Variants in UHRF2 observed in about 807,000 individuals in gnomAD.
UHRF2 encodes ubiquitin like with PHD and ring finger domains 2.
A neutral mutation model predicts 96.8 loss-of-function variants in UHRF2; 23 were observed. The observed-to-expected ratio is 0.24, with a 90% CI of 0.17 to 0.34. UHRF2 has a LOEUF of 0.34. Among genes scored for constraint, UHRF2 ranks in the 10% least tolerant of loss-of-function variants. UHRF2 has a pLI of 1.00. For missense variants in UHRF2, 685 were observed against 981.5 expected, an observed-to-expected ratio of 0.70 and a Z score of 4.04; for synonymous variants, 385 against 332.6, an observed-to-expected ratio of 1.16 and a Z score of -1.72.
rs1298184266 is a variant in UHRF2, at chr9:6,413,654, C to G, written c.153+11C>G. On this transcript the variant is annotated intron_variant, in intron 1 of 15. Transcript: ENST00000276893. ...TACCGGGGCAAGCAGGTGAGGCGCG[C>G]CCGCCGCGCCCCTAGCGAGGCTGGG... 4 of 1,561,588 alleles carry G rather than the reference C, an allele frequency of 2.6e-6. No homozygotes were observed. The highest frequency in any genetic ancestry group is 3.8e-5 in the Admixed American group (2 of 52,852).
chr9:6,415,629 G>C (rs183653879), intron 1 of UHRF2: 1 of 152,324 alleles, frequency 6.6e-6, no homozygotes, highest in Non-Finnish European at 1.5e-5. Context: ...CTGCCACGTA[G>C]TGAAAAATGT....
chr9:6,492,074 C>CT (rs780965632), intron 9 of UHRF2, among the ~76,000 whole-genome samples: 55 of 152,022 alleles, frequency 3.6e-4, no homozygotes, highest in Non-Finnish European at 6.2e-4. Context: ...GGTTTGAGCT[C>CT]TTACAGTCTT....
At chr9:6,444,263 T>C (rs1183868016) in intron 3 of UHRF2, among the ~76,000 whole-genome samples, 1 of 152,218 alleles carries the variant, frequency 6.6e-6, no homozygotes, top group African/African-American at 2.4e-5. Flanking sequence ...TATTGGTGTC[T>C]TTACCAAAGA....
chr9:6,482,823 C>T (rs577036989), intron 8 of UHRF2, among the ~76,000 whole-genome samples: 2 of 152,270 alleles, frequency 1.3e-5, no homozygotes, highest in Admixed American at 6.5e-5. Context: ...GTCTCGATCT[C>T]CTAACCTCGT....
chr9:6,448,696 C>T (rs1367671223), intron 3 of UHRF2, among the ~76,000 whole-genome samples: 3 of 152,164 alleles, frequency 2.0e-5, no homozygotes, highest in Non-Finnish European at 4.4e-5. Context: ...ACAAAGCATG[C>T]TGTTTGAAAA....
At chr9:6,415,951 C>A (rs975813330) in intron 1 of UHRF2, among the ~76,000 whole-genome samples, 1 of 152,228 alleles carries the variant, frequency 6.6e-6, no homozygotes, top group South Asian at 2.1e-4. Context: ...ATCCTCACGC[C>A]AGACCTACTG....
At chr9:6,504,366 G>A (rs1816472310) in intron 14 of UHRF2, 2 of 326,192 alleles carry the variant, frequency 6.1e-6, no homozygotes, top group South Asian at 8.8e-5. Flanking sequence ...CATTTTTATT[G>A]CTAAATAATA....
At position 6,506,156 on chromosome 9, in the gene UHRF2, C is replaced by A; in HGVS notation, c.2386C>A (p.Pro796Thr). Residue 796 changes from proline to threonine, a missense_variant, in exon 16 of 16, where the codon CCT becomes ACT. Coordinates refer to ENST00000276893, the MANE Select transcript of UHRF2 (RefSeq NM_152896.3). ...ILQTLLDLFF[P>T]GYSKGR is the part of the protein sequence containing the mutation. ...GCAGACTCTACTTGACCTTTTCTTCCCTGGCTACAGCAAAGGACGATGATC... is the reference window on the plus strand; with the variant it reads ...GCAGACTCTACTTGACCTTTTCTTCACTGGCTACAGCAAAGGACGATGATC... The A allele has an allele frequency of 1.2e-6, 2 of 1,614,068 alleles. No homozygotes were observed. Among genetic ancestry groups the A allele is most frequent in the Non-Finnish European group, 1.7e-6 (2 of 1,180,002 alleles).
intron 1 of UHRF2, among the ~76,000 whole-genome samples, chr9:6,414,659 T>G (rs1819488485): frequency 6.6e-6 from 1 of 152,208 alleles, no homozygotes; most frequent in South Asian, 2.1e-4. Context: ...ATCCTGTGGT[T>G]TTAAATAAGT....
chr9:6,446,953 A>G (rs1821549849), intron 3 of UHRF2, among the ~76,000 whole-genome samples: 1 of 152,066 alleles, frequency 6.6e-6, no homozygotes, highest in Admixed American at 6.5e-5. Context: ...CAGTAGCACA[A>G]TCTCGGCTCA....
At chr9:6,484,778 CTTCT>C (rs201460211) in intron 8 of UHRF2, 1 of 121,502 alleles carries the variant, frequency 8.2e-6, no homozygotes, top group African/African-American at 3.1e-5. Flanking sequence ...GTTGTATTCA[CTTCT>C]TTCTTTTTTT....
rs773199052 is a variant in UHRF2, at chr9:6,497,376, T to G, written c.1767+16T>G. On this transcript the variant is annotated intron_variant, in intron 11 of 15. Transcript: ENST00000276893. ...CATTTATAAGGTGCTCTATCTGGCA[T>G]GACATCTTGTTTGTCATTCTTCCTG... 5.0e-6 allele frequency: 8 copies of G among 1,610,404 alleles called. No individual in the cohort carries two copies. In the Admixed American group the frequency reaches 1.2e-4, roughly 24 times the overall value.
intron 2 of UHRF2, among the ~76,000 whole-genome samples, chr9:6,429,893 A>T (rs1454798406): frequency 6.6e-6 from 1 of 152,230 alleles, no homozygotes; most frequent in East Asian, 1.9e-4. Context: ...TACCTAGCAT[A>T]TAGTAAAACC....
intron 6 of UHRF2, 65 bp downstream of exon 6, chr9:6,477,873 C>T: frequency 1.5e-6 from 2 of 1,375,718 alleles, no homozygotes; most frequent in South Asian, 2.9e-5. Context: ...GTATTTGAAC[C>T]ACCAAAAGTA....
At chr9:6,493,655 G>C (rs1824804770) in intron 9 of UHRF2, among the ~76,000 whole-genome samples, 171 bp from the exon 10 acceptor site, 1 of 152,158 alleles carries the variant, frequency 6.6e-6, no homozygotes, top group Non-Finnish European at 1.5e-5. Context: ...TATATGACTT[G>C]AAAGTATACT....
Position 6,494,146 on chromosome 9 carries a change from A to G in UHRF2, c.1604+214A>G, listed in dbSNP as rs117248924. The G allele has an allele frequency of 1.2e-3, 572 of 469,964 alleles. 2 individuals carry two copies. The highest frequency in any genetic ancestry group is 1.8e-3 in the Non-Finnish European group (489 of 268,324). The allele number at this position is 469,964 out of a possible 1,614,324, so 29.1% of individuals were successfully genotyped here. On this transcript the variant is annotated intron_variant, in intron 10 of 15. Coordinates refer to ENST00000276893, the MANE Select transcript of UHRF2 (RefSeq NM_152896.3). ...AATGCCATAATTTCTAGTCTTACTG[A>G]ATACATGTGATATGCATTTGAAAAT...
intron 3 of UHRF2, among the ~76,000 whole-genome samples, chr9:6,451,888 G>A (rs144762218): frequency 1.3e-5 from 2 of 150,874 alleles, no homozygotes; most frequent in South Asian, 4.2e-4. Context: ...GGGTTCAAGC[G>A]ATTCTCCTGC....
intron 2 of UHRF2, among the ~76,000 whole-genome samples, chr9:6,430,530 T>G (rs920116397): frequency 6.6e-6 from 1 of 152,262 alleles, no homozygotes; most frequent in African/African-American, 2.4e-5. Flanking sequence ...TTCCTAGAGA[T>G]AGTAAACAGC....
chr9:6,485,438 A>G (rs569550125), intron 8 of UHRF2, among the ~76,000 whole-genome samples: 38 of 151,998 alleles, frequency 2.5e-4, no homozygotes, highest in African/African-American at 8.7e-4. Flanking sequence ...TGGATTTGCT[A>G]TTTAGAAAGT....
Sources: allele counts gnomAD v4.1 joint callset (sites outside exome capture counted in the v4.1 genomes callset), GRCh38; gene constraint gnomAD v4.1.1; transcripts MANE v1.5; gene names NCBI Gene and HGNC (gene_info 2026-07-23, HGNC 2026-07-21).